The following HEMK2 variants were observed in gnomAD, a reference collection of about 807,000 sequenced individuals.
HEMK2 encodes the protein methyltransferase HEMK2.
the HEMK2 span, among the ~76,000 whole-genome samples, chr21:28,861,132 T>C: frequency 4.6e-5 from 7 of 152,242 alleles, no homozygotes; most frequent in Non-Finnish European, 5.9e-5. Context: ...AAGAGTCTTG[T>C]AATTGCTCTT....
chr21:28,719,442 T>C, the HEMK2 span, among the ~76,000 whole-genome samples: 2 of 152,208 alleles, frequency 1.3e-5, no homozygotes, highest in African/African-American at 2.4e-5. Context: ...GGAGTTCTCC[T>C]GCACAAGCTC....
the HEMK2 span, among the ~76,000 whole-genome samples, chr21:28,700,408 GA>G: frequency 6.6e-6 from 1 of 151,864 alleles, no homozygotes; most frequent in African/African-American, 2.4e-5. Flanking sequence ...GACTAATAAA[GA>G]AAAAAAGAGA....
At chr21:28,873,621 C>T in the HEMK2 span, 1 of 152,186 alleles carries the variant, frequency 6.6e-6, no homozygotes, top group Non-Finnish European at 1.5e-5. Flanking sequence ...CATGATAACA[C>T]TAAGAGATGC....
chr21:28,843,586 G>A, the HEMK2 span, among the ~76,000 whole-genome samples: 1 of 152,136 alleles, frequency 6.6e-6, no homozygotes, highest in Non-Finnish European at 1.5e-5. Flanking sequence ...TTTTTGCAAA[G>A]AAAGGTAGGA....
the HEMK2 span, among the ~76,000 whole-genome samples, chr21:28,793,392 T>G: frequency 6.6e-6 from 1 of 152,242 alleles, no homozygotes; most frequent in African/African-American, 2.4e-5. Context: ...CCACTTCCAA[T>G]CTGTGTGTGT....
chr21:28,820,769 AT>A, the HEMK2 span, among the ~76,000 whole-genome samples: 1 of 152,090 alleles, frequency 6.6e-6, no homozygotes, highest in African/African-American at 2.4e-5. Flanking sequence ...GGGTTACTAT[AT>A]TTCTGGCTCT....
At chr21:28,679,893 T>G in the HEMK2 span, among the ~76,000 whole-genome samples, 1 of 152,146 alleles carries the variant, frequency 6.6e-6, no homozygotes, top group African/African-American at 2.4e-5. Context: ...TGGGACACAT[T>G]CAAAGCAGTG....
the HEMK2 span, among the ~76,000 whole-genome samples, chr21:28,792,505 A>G: frequency 6.6e-6 from 1 of 152,272 alleles, no homozygotes; most frequent in Admixed American, 6.5e-5. Context: ...AGACTATTCA[A>G]TGGAAGGTCC....
the HEMK2 span, among the ~76,000 whole-genome samples, chr21:28,747,086 C>A: frequency 6.6e-6 from 1 of 152,206 alleles, no homozygotes; most frequent in African/African-American, 2.4e-5. Flanking sequence ...ATGGACAGAT[C>A]TAGAAGATCC....
the HEMK2 span, among the ~76,000 whole-genome samples, chr21:28,860,693 G>C: frequency 2.6e-5 from 4 of 151,478 alleles, no homozygotes; most frequent in South Asian, 8.3e-4. Context: ...ACAGACACAA[G>C]AATTGCTTGA....
At chr21:28,641,918 G>A in the HEMK2 span, among the ~76,000 whole-genome samples, 3 of 152,168 alleles carry the variant, frequency 2.0e-5, no homozygotes, top group Non-Finnish European at 4.4e-5. Flanking sequence ...CTGTCCCTGA[G>A]GATAAATTCT....
the HEMK2 span, among the ~76,000 whole-genome samples, chr21:28,711,994 T>C: frequency 1.3e-5 from 2 of 152,188 alleles, no homozygotes; most frequent in African/African-American, 2.4e-5. Context: ...TCCACTCTTA[T>C]GACCTAATAA....
At chr21:28,825,283 G>A in the HEMK2 span, among the ~76,000 whole-genome samples, 3 of 152,280 alleles carry the variant, frequency 2.0e-5, no homozygotes, top group Non-Finnish European at 4.4e-5. Context: ...CAGTAGGTCT[G>A]GAGAGGGGCC....
At chr21:28,779,856 A>G in the HEMK2 span, among the ~76,000 whole-genome samples, 2 of 152,244 alleles carry the variant, frequency 1.3e-5, no homozygotes, top group Admixed American at 1.3e-4. Context: ...ATGCAAAAAG[A>G]GTTTATTGTA....
the HEMK2 span, among the ~76,000 whole-genome samples, chr21:28,850,293 C>T: frequency 2.1e-5 from 3 of 145,034 alleles, no homozygotes; most frequent in South Asian, 2.2e-4. Flanking sequence ...GGCGCAATCT[C>T]GGCTCACTGC....
chr21:28,602,140 G>A, the HEMK2 span, among the ~76,000 whole-genome samples: 3 of 152,076 alleles, frequency 2.0e-5, no homozygotes, highest in Non-Finnish European at 4.4e-5. Context: ...GACTATTTCT[G>A]CATTTTTTTT....
the HEMK2 span, chr21:28,671,379 G>A: frequency 6.6e-6 from 1 of 152,182 alleles, no homozygotes; most frequent in African/African-American, 2.4e-5. Context: ...ATGAGAGGAA[G>A]ATTTCAGGTT....
chr21:28,641,507 A>T, the HEMK2 span, among the ~76,000 whole-genome samples: 1 of 152,200 alleles, frequency 6.6e-6, no homozygotes, highest in Non-Finnish European at 1.5e-5. Context: ...ATTTCCTAAC[A>T]GAACAGATAA....
chr21:28,787,121 C>G, the HEMK2 span, among the ~76,000 whole-genome samples: 3 of 152,236 alleles, frequency 2.0e-5, no homozygotes, highest in Admixed American at 2.0e-4. Flanking sequence ...GAAAGGACAC[C>G]CTTTTCAACA....
Sources: gnomAD v4.1 joint callset for allele counts (sites outside exome capture counted in the v4.1 genomes callset) on GRCh38, gnomAD v4.1.1 for gene constraint, MANE v1.5 for transcripts, NCBI Gene and HGNC (gene_info 2026-07-23, HGNC 2026-07-21) for gene names.